Variants in PARVA observed in about 807,000 individuals in gnomAD.
The protein encoded by PARVA is alpha-parvin.
A neutral mutation model predicts 52.6 loss-of-function variants in PARVA; 25 were observed. The observed-to-expected ratio is 0.48, with a 90% confidence interval of 0.35 to 0.66. The LOEUF (loss-of-function observed/expected upper bound fraction) is 0.66. Among genes scored for constraint, PARVA ranks in the 30% least tolerant of loss-of-function variants. The probability of loss-of-function intolerance (pLI) is 0.01; values close to 1 mark genes in which losing one functional copy is unlikely to be tolerated. For missense variants in PARVA, 373 were observed against 450.9 expected, an observed-to-expected ratio of 0.83 and a Z score of 1.56; for synonymous variants, 185 against 179.1, an observed-to-expected ratio of 1.03 and a Z score of -0.26.
intron 1 of PARVA, among the ~76,000 whole-genome samples, chr11:12,401,075 G>A (rs558070111): frequency 6.6e-6 from 1 of 152,328 alleles, no homozygotes; most frequent in East Asian, 1.9e-4. Flanking sequence ...CACTTTCAAA[G>A]TGTGTGCCAC....
At chr11:12,475,024 C>T (rs536204944) in intron 3 of PARVA, among the ~76,000 whole-genome samples, 1 of 152,220 alleles carries the variant, frequency 6.6e-6, no homozygotes, top group South Asian at 2.1e-4. Context: ...ACACGGTTCC[C>T]CTGTGCAAGA....
intron 1 of PARVA, among the ~76,000 whole-genome samples, chr11:12,473,396 G>A (rs1215317100): frequency 1.3e-5 from 2 of 152,132 alleles, no homozygotes; most frequent in Admixed American, 1.3e-4. Flanking sequence ...AGGAAGTCCT[G>A]GAAGATGGGA....
intron 1 of PARVA, among the ~76,000 whole-genome samples, chr11:12,414,423 G>A (rs974519683): frequency 1.3e-5 from 2 of 152,176 alleles, no homozygotes; most frequent in Admixed American, 6.5e-5. Context: ...CTTTTGCTTC[G>A]AGTTAGTATT....
chr11:12,449,387 C>A (rs1397407946), intron 1 of PARVA, among the ~76,000 whole-genome samples: 1 of 152,012 alleles, frequency 6.6e-6, no homozygotes, highest in Non-Finnish European at 1.5e-5. Context: ...AAACTCCTGG[C>A]CTCAAGTGAT....
intron 12 of PARVA, among the ~76,000 whole-genome samples, chr11:12,525,410 G>A (rs1291732141): frequency 6.6e-6 from 1 of 152,132 alleles, no homozygotes; most frequent in Non-Finnish European, 1.5e-5. Context: ...TTTGGAAAGG[G>A]TAAGGGGAGC....
chr11:12,390,989 G>A (rs777376428), intron 1 of PARVA, among the ~76,000 whole-genome samples: 24 of 152,146 alleles, frequency 1.6e-4, no homozygotes, highest in Admixed American at 5.9e-4. Flanking sequence ...GGCCTCTCTT[G>A]GTGGGCTCAG....
rs1048386200 is a variant in PARVA at position 12,388,905 on chromosome 11, T to TA, written c.136+11129dup. 5.9e-5 allele frequency among the ~76,000 whole-genome samples: 9 copies of TA among 152,264 alleles called. No individual in the cohort carries two copies. The South Asian group carries it at 8.3e-4, about 14-fold the overall frequency. ...TAAATAATGCAACCTAAAGCTTTTT[T>TA]AAAAAAATTCAGGGTACTTTACTTT... is the stretch of plus-strand genomic sequence containing the variant. On this transcript the variant is annotated intron_variant, in intron 1 of 12. Transcript: ENST00000334956.
chr11:12,433,561 A>G (rs1000870685), intron 1 of PARVA, among the ~76,000 whole-genome samples: 3 of 152,160 alleles, frequency 2.0e-5, no homozygotes, highest in African/African-American at 7.2e-5. Context: ...AAGAGAAATA[A>G]AAGAGGCATT....
intron 1 of PARVA, among the ~76,000 whole-genome samples, chr11:12,455,172 G>C (rs1408984258): frequency 6.6e-6 from 1 of 152,158 alleles, no homozygotes; most frequent in Non-Finnish European, 1.5e-5. Context: ...AGGGAAGATG[G>C]GGAAGCATTA....
intron 12 of PARVA, 81 bp downstream of exon 12, chr11:12,518,598 G>A (rs1941600045): frequency 8.6e-6 from 9 of 1,044,934 alleles, no homozygotes; most frequent in Non-Finnish European, 1.3e-5. Flanking sequence ...TGTAGCAGAG[G>A]GAAGCATTTT....
At chr11:12,482,738 G>A (rs1194171678) in intron 4 of PARVA, among the ~76,000 whole-genome samples, 1 of 152,184 alleles carries the variant, frequency 6.6e-6, no homozygotes, top group African/African-American at 2.4e-5. Flanking sequence ...TTACATGGCG[G>A]CAGGCAGAAA....
chr11:12,499,859 A>G (rs920811714), intron 5 of PARVA, among the ~76,000 whole-genome samples: 4 of 152,158 alleles, frequency 2.6e-5, no homozygotes, highest in African/African-American at 9.7e-5. Context: ...CAACCTGTTT[A>G]TGTTGTTTGG....
At chr11:12,507,209 C>T (rs1941441596) in intron 6 of PARVA, among the ~76,000 whole-genome samples, 2 of 152,116 alleles carry the variant, frequency 1.3e-5, no homozygotes, top group Admixed American at 1.3e-4. Flanking sequence ...GCAGGAGGCT[C>T]GAGAAGGCAG....
At chr11:12,473,072 G>C (rs944129248) in intron 1 of PARVA, among the ~76,000 whole-genome samples, 9 of 152,160 alleles carry the variant, frequency 5.9e-5, no homozygotes, top group Admixed American at 4.6e-4. Context: ...TGTTCATCCA[G>C]TCAAACTCTA....
chr11:12,454,552 G>A (rs1452436672), intron 1 of PARVA, among the ~76,000 whole-genome samples: 3 of 147,948 alleles, frequency 2.0e-5, no homozygotes, highest in Non-Finnish European at 4.4e-5. Flanking sequence ...CTTTACCCCC[G>A]CAATCCAGTT....
intron 4 of PARVA, among the ~76,000 whole-genome samples, chr11:12,488,553 G>A (rs1371601989): frequency 6.6e-6 from 1 of 152,188 alleles, no homozygotes; most frequent in African/African-American, 2.4e-5. Flanking sequence ...GCAAGAAAGA[G>A]GGTTGGATTC....
intron 1 of PARVA, among the ~76,000 whole-genome samples, chr11:12,415,140 G>C (rs1589948928): frequency 6.6e-6 from 1 of 152,188 alleles, no homozygotes. Flanking sequence ...CTTAGGGAGA[G>C]AGTTTATTTG....
chr11:12,515,682 CCACAGCT>C lies in PARVA; in HGVS notation c.867+1618_867+1624del, dbSNP rs1384665299. ...TTCTTTTACTCCTAACTCCTTCTCACCACAGCTTGAATGAAGCCCAGTTGCTCAGCTC... is the reference window on the plus strand; with the variant it reads ...TTCTTTTACTCCTAACTCCTTCTCACTGAATGAAGCCCAGTTGCTCAGCTC... On this transcript the variant is annotated intron_variant, in intron 10 of 12. Transcript: ENST00000334956. Among the ~76,000 whole-genome samples the C allele has an allele frequency of 1.2e-4, 18 of 152,302 alleles. No homozygotes were observed. In the East Asian group the frequency reaches 2.5e-3, roughly 21 times the overall value.
intron 1 of PARVA, among the ~76,000 whole-genome samples, chr11:12,430,598 T>C (rs946816575): frequency 5.3e-5 from 8 of 152,222 alleles, no homozygotes; most frequent in African/African-American, 1.9e-4. Context: ...GGGTTTGACA[T>C]GGATCTTGCC....
Sources: allele counts gnomAD v4.1 joint callset (sites outside exome capture counted in the v4.1 genomes callset), GRCh38; gene constraint gnomAD v4.1.1; transcripts MANE v1.5; gene names NCBI Gene and HGNC (gene_info 2026-07-23, HGNC 2026-07-21).